KANSL1: variants seen among roughly 807,000 people sequenced by gnomAD.
KANSL1 encodes the protein KAT8 regulatory NSL complex subunit 1, also known as MLL1/MLL complex subunit KANSL1.
KANSL1 carries 22 observed loss-of-function variants against 103.6 expected under a neutral mutation model. That is an observed-to-expected ratio of 0.21 (90% CI 0.15 to 0.30). The LOEUF is 0.30. KANSL1 is among the 10% of genes least tolerant of loss of function. KANSL1 has a pLI of 1.00. For synonymous variants in KANSL1, 600 were observed against 527.6 expected, an observed-to-expected ratio of 1.14 and a Z score of -1.88; for missense variants, 1,337 against 1,399.8, an observed-to-expected ratio of 0.96 and a Z score of 0.72.
intron 6 of KANSL1, among the ~76,000 whole-genome samples, chr17:46,052,963 CCAAAAAAAAAAAAAAAAAAAAAAAA>C (rs1270177045): frequency 4.6e-5 from 2 of 43,140 alleles, no homozygotes; most frequent in African/African-American, 2.0e-4. Context: ...GATCCTGTCT[CCAAAAAAAAAAAAAAAAAAAAAAAA>C]AAAAAAAAAA....
rs1230980611 is a variant in KANSL1 at position 46,193,155 on chromosome 17, CAG to C, written c.-424_-423del. The C allele has an allele frequency of 2.0e-5, 3 of 151,430 alleles. No individual in the cohort carries two copies. The highest frequency in any genetic ancestry group is 4.9e-5 in the African/African-American group (2 of 41,186). 9.4% of individuals were successfully genotyped at this position (151,430 alleles called of 1,614,324 possible). A position where few individuals can be genotyped will look rare whatever the true frequency, so the allele number is the denominator to read the frequency against. Reference sequence around the variant, plus strand: ...GGCCGGGAGGGCGGGCGGGCGGGGGCAGAGAGTGAAACCGCCCCCCCGCCCCG... The same window carrying C: ...GGCCGGGAGGGCGGGCGGGCGGGGGCAGAGTGAAACCGCCCCCCCGCCCCG... On this transcript the variant is annotated 5_prime_UTR_variant, in exon 1 of 15. Coordinates refer to ENST00000432791, the MANE Select transcript of KANSL1 (RefSeq NM_015443.4).
chr17:46,150,584 A>G (rs998471656), intron 2 of KANSL1, among the ~76,000 whole-genome samples: 4 of 152,246 alleles, frequency 2.6e-5, no homozygotes, highest in Non-Finnish European at 5.9e-5. Context: ...ATTCCTTTAC[A>G]TAACATAGCA....
chr17:46,031,970 C>A, intron 14 of KANSL1, 77 bp downstream of exon 14: 1 of 1,598,550 alleles, frequency 6.3e-7, no homozygotes, highest in South Asian at 1.1e-5. Flanking sequence ...TGGCTAGGTC[C>A]CTCTTCAGCA....
intron 2 of KANSL1, among the ~76,000 whole-genome samples, chr17:46,115,184 C>A: frequency 6.6e-6 from 1 of 152,242 alleles, no homozygotes; most frequent in Non-Finnish European, 1.5e-5. Flanking sequence ...CTCAGCCTCC[C>A]GTGTAGCTGG....
At chr17:46,143,082 C>T (rs898821912) in intron 2 of KANSL1, among the ~76,000 whole-genome samples, 7 of 152,210 alleles carry the variant, frequency 4.6e-5, no homozygotes, top group Non-Finnish European at 8.8e-5. Context: ...ACTGTAAAGA[C>T]ATTTATGCAC....
At chr17:46,116,026 C>G (rs2147145458) in intron 2 of KANSL1, among the ~76,000 whole-genome samples, 1 of 152,320 alleles carries the variant, frequency 6.6e-6, no homozygotes, top group African/African-American at 2.4e-5. Context: ...ATGTTACTAA[C>G]TATAGAATCA....
chr17:46,210,219 A>G (rs1010325512), intron 1 of KANSL1, among the ~76,000 whole-genome samples: 1 of 152,218 alleles, frequency 6.6e-6, no homozygotes, highest in Non-Finnish European at 1.5e-5. Flanking sequence ...TCATGCCTGT[A>G]ATCCCAGCAC....
At chr17:46,039,671 C>A (rs1393828785) in intron 8 of KANSL1, 31 bp downstream of exon 8, 2 of 1,600,530 alleles carry the variant, frequency 1.2e-6, no homozygotes, top group Non-Finnish European at 1.7e-6. Flanking sequence ...CACTGATACT[C>A]TGGGGGACTT....
At chr17:46,051,438 T>C (rs943797278) in intron 6 of KANSL1, among the ~76,000 whole-genome samples, 2 of 152,348 alleles carry the variant, frequency 1.3e-5, no homozygotes, top group East Asian at 1.9e-4. Flanking sequence ...GGCAGAATAA[T>C]TGATAACCTC....
intron 6 of KANSL1, among the ~76,000 whole-genome samples, chr17:46,053,156 G>C (rs1221905636): frequency 6.6e-6 from 1 of 151,306 alleles, no homozygotes; most frequent in Non-Finnish European, 1.5e-5. Context: ...ATGGTGGTGG[G>C]CACCTGTAAT....
At chr17:46,213,410 C>T (rs1175889891) in intron 1 of KANSL1, among the ~76,000 whole-genome samples, 2 of 152,032 alleles carry the variant, frequency 1.3e-5, no homozygotes, top group Non-Finnish European at 2.9e-5. Context: ...ACACCATTCT[C>T]CTGCCACAGC....
intron 2 of KANSL1, among the ~76,000 whole-genome samples, chr17:46,126,908 G>C (rs1365043542): frequency 6.6e-6 from 1 of 151,716 alleles, no homozygotes; most frequent in Non-Finnish European, 1.5e-5. Flanking sequence ...TTCAAAAATT[G>C]GTCATGATCA....
At position 46,066,682 on chromosome 17, in the gene KANSL1, T is replaced by A; in HGVS notation, c.1703A>T (p.Glu568Val). ...DHIPGDSSDA[E>V]EQLHKKQRLN... Reference sequence around the variant, plus strand: ...TCGTTGCTTCTTATGTAATTGTTCCTCAGCATCAGAGCTGTCACCTGGAAT... The same window carrying A: ...TCGTTGCTTCTTATGTAATTGTTCCACAGCATCAGAGCTGTCACCTGGAAT... Residue 568 changes from glutamate to valine, a missense_variant, in exon 6 of 15, where the codon GAG becomes GTG. Around this residue, in one of 2 missense-constraint regions of KANSL1, gnomAD observed 780 missense variants for 923.4 expected, o/e 0.84. Coordinates refer to ENST00000432791, the MANE Select transcript of KANSL1 (RefSeq NM_015443.4). 1.2e-6 allele frequency: 2 copies of A among 1,614,148 alleles called. No homozygotes were observed. Among genetic ancestry groups the A allele is most frequent in the Non-Finnish European group, 1.7e-6 (2 of 1,180,020 alleles).
intron 1 of KANSL1, among the ~76,000 whole-genome samples, chr17:46,180,558 T>C (rs1180888356): frequency 1.3e-5 from 2 of 152,004 alleles, no homozygotes; most frequent in Admixed American, 6.5e-5. Context: ...TGATGGCAGG[T>C]GCCTGTAGTC....
At chr17:46,155,361 T>C (rs1026342538) in intron 2 of KANSL1, among the ~76,000 whole-genome samples, 3 of 152,176 alleles carry the variant, frequency 2.0e-5, no homozygotes, top group Non-Finnish European at 4.4e-5. Flanking sequence ...TTTCGCCATG[T>C]TGGCCAGGCT....
intron 1 of KANSL1, among the ~76,000 whole-genome samples, chr17:46,183,240 A>T (rs866751817): frequency 1.3e-5 from 2 of 152,142 alleles, no homozygotes; most frequent in Middle Eastern, 3.2e-3. Context: ...TAGGCAACAT[A>T]GCCCCCATCT....
intron 2 of KANSL1, among the ~76,000 whole-genome samples, chr17:46,109,115 A>T (rs1350203027): frequency 2.0e-5 from 3 of 152,080 alleles, no homozygotes; most frequent in Admixed American, 2.0e-4. Flanking sequence ...ACGCCCAGCT[A>T]ATTTTATTTT....
At chr17:46,162,073 A>C (rs755556538) in intron 2 of KANSL1, among the ~76,000 whole-genome samples, 3 of 152,250 alleles carry the variant, frequency 2.0e-5, no homozygotes, top group Non-Finnish European at 4.4e-5. Context: ...AAAACTGGTA[A>C]GATTTATTCT....
intron 2 of KANSL1, among the ~76,000 whole-genome samples, chr17:46,103,941 T>C (rs2042424825): frequency 2.0e-5 from 3 of 152,178 alleles, no homozygotes; most frequent in Admixed American, 1.3e-4. Context: ...GGCAGGAGAA[T>C]TGCTTGAACC....
Sources: gnomAD v4.1 joint callset for allele counts (sites outside exome capture counted in the v4.1 genomes callset) on GRCh38, gnomAD v4.1.1 for gene constraint, gnomAD v4.1.1 regional missense constraint, MANE v1.5 for transcripts, NCBI Gene and HGNC (gene_info 2026-07-23, HGNC 2026-07-21) for gene names.